The following DEPDC1B variants were observed in gnomAD, a reference collection of about 807,000 sequenced individuals.
The protein encoded by DEPDC1B is DEP domain-containing protein 1B.
Under a neutral mutation model 66.5 loss-of-function variants are expected in DEPDC1B, and 51 were observed. The ratio of observed to expected loss-of-function variants is 0.77; its 90% CI spans 0.61 to 0.97. The LOEUF (loss-of-function observed/expected upper bound fraction) is 0.97, where lower values mean the gene tolerates loss of function less well. Ranked by LOEUF, DEPDC1B falls within the 50% of genes least tolerant of loss-of-function variation. The pLI, the probability that DEPDC1B is intolerant of heterozygous loss-of-function variation, is 0.00. For missense variants in DEPDC1B, 552 were observed against 637.1 expected (o/e 0.87, Z 1.44); for synonymous variants, 226 against 223.6 (o/e 1.01, Z -0.10).
chr5:60,687,962 T>C (rs1299861074), intron 1 of DEPDC1B: 1 of 154,632 alleles, frequency 6.5e-6, no homozygotes, highest in Admixed American at 6.5e-5. Flanking sequence ...AATGGATTTT[T>C]ACATAAACAA....
At chr5:60,640,414 T>G (rs1306538142) in intron 6 of DEPDC1B, among the ~76,000 whole-genome samples, 1 of 152,182 alleles carries the variant, frequency 6.6e-6, no homozygotes, top group Non-Finnish European at 1.5e-5. Context: ...AAAAAATCAG[T>G]GCATGGTGAG....
rs1752259032 is a variant in DEPDC1B, at chr5:60,603,978, T to A, written c.1066-411A>T. On this transcript the variant is annotated intron_variant, in intron 8 of 10. Transcript: ENST00000265036. ...TTAGTCAATTATTATTTATCCTAATTTCATTATTGATTTGTTTTAAACCGC... is the reference window on the plus strand; with the variant it reads ...TTAGTCAATTATTATTTATCCTAATATCATTATTGATTTGTTTTAAACCGC... Among the ~76,000 whole-genome samples the A allele has an allele frequency of 2.6e-5, 4 of 151,718 alleles. No homozygotes were observed. The South Asian group carries it at 8.3e-4, about 31-fold the overall frequency.
intron 2 of DEPDC1B, among the ~76,000 whole-genome samples, chr5:60,656,546 CTG>C (rs1430296981): frequency 6.6e-6 from 1 of 152,122 alleles, no homozygotes; most frequent in African/African-American, 2.4e-5. Flanking sequence ...TGTTTTCATA[CTG>C]CTATAAAAAC....
intron 2 of DEPDC1B, among the ~76,000 whole-genome samples, chr5:60,667,869 T>G (rs1753903350): frequency 1.1e-5 from 1 of 94,370 alleles, no homozygotes; most frequent in South Asian, 3.3e-4. Flanking sequence ...ATGTAAAAAA[T>G]GGATATTTTA....
chr5:60,628,525 T>C (rs1003057773), intron 7 of DEPDC1B: 12 of 152,126 alleles, frequency 7.9e-5, no homozygotes, highest in African/African-American at 2.9e-4. Flanking sequence ...TCATTTTCAC[T>C]AAGAACAGGT....
chr5:60,670,097 A>G (rs1195465755), intron 2 of DEPDC1B, among the ~76,000 whole-genome samples: 1 of 152,220 alleles, frequency 6.6e-6, no homozygotes, highest in Non-Finnish European at 1.5e-5. Flanking sequence ...AGATATAAAT[A>G]TAACAGGCAG....
chr5:60,623,790 T>C (rs1420890612), intron 7 of DEPDC1B, among the ~76,000 whole-genome samples: 3 of 152,216 alleles, frequency 2.0e-5, no homozygotes, highest in South Asian at 2.1e-4. Context: ...TTTGGTGTTA[T>C]TGGAAACAGA....
chr5:60,689,714 T>G (rs926176727), intron 1 of DEPDC1B, among the ~76,000 whole-genome samples: 1 of 152,026 alleles, frequency 6.6e-6, no homozygotes, highest in Non-Finnish European at 1.5e-5. Context: ...CTTTTAGGGA[T>G]TCACCATGTA....
intron 7 of DEPDC1B, among the ~76,000 whole-genome samples, chr5:60,621,422 T>C (rs1032504097): frequency 5.3e-5 from 8 of 152,120 alleles, no homozygotes; most frequent in Admixed American, 1.3e-4. Flanking sequence ...GAAACCATTA[T>C]TCTCAGCAAA....
At chr5:60,624,275 A>G (rs1292276104) in intron 7 of DEPDC1B, among the ~76,000 whole-genome samples, 1 of 152,112 alleles carries the variant, frequency 6.6e-6, no homozygotes, top group Non-Finnish European at 1.5e-5. Context: ...CCTTCATCCT[A>G]TCGATATGAT....
chr5:60,639,041 G>A, intron 6 of DEPDC1B, 151 bp from the exon 7 acceptor site: 1 of 741,808 alleles, frequency 1.3e-6, no homozygotes, highest in Non-Finnish European at 2.1e-6. Flanking sequence ...TAATTAAATA[G>A]GCATTCTACA....
In DEPDC1B at chr5:60,639,248, A is replaced by G. The variant is rs187168566; in HGVS notation, c.758-358T>C. Among the ~76,000 whole-genome samples the G allele has an allele frequency of 1.3e-3, 191 of 152,318 alleles. 1 individual carries two copies. The highest frequency in any genetic ancestry group is 0.01 in the Middle Eastern group (3 of 294). ...ACAATAATTTTCTTTGAAATACTCA[A>G]CATTATCCTAGTCTTAATAAAGTTG... On this transcript the variant is annotated intron_variant, in intron 6 of 10. Transcript: ENST00000265036.
Position 60,650,703 on chromosome 5 carries a change from T to TTATC in DEPDC1B, c.315-3174_315-3171dup, listed in dbSNP as rs550908551. 5.4e-4 allele frequency among the ~76,000 whole-genome samples: 83 copies of TTATC among 152,304 alleles called. 2 individuals carry two copies. In the South Asian group the frequency reaches 0.017, roughly 31 times the overall value. On this transcript the variant is annotated intron_variant, in intron 2 of 10. Coordinates refer to ENST00000265036, the MANE Select transcript of DEPDC1B (RefSeq NM_018369.3). ...CAATAAATAGTACTGAGCCAACTGGTTATCCATTTGGGAAAAATGAAATTG... is the reference window on the plus strand; with the variant it reads ...CAATAAATAGTACTGAGCCAACTGGTTATCTATCCATTTGGGAAAAATGAAATTG...
chr5:60,638,631 C>CT (rs1485152350), intron 7 of DEPDC1B, 119 bp downstream of exon 7: 12 of 1,028,908 alleles, frequency 1.2e-5, no homozygotes, highest in African/African-American at 1.6e-5. Flanking sequence ...GCCAAATACT[C>CT]TATCAGTTTT....
At chr5:60,636,559 C>A (rs1231438504) in intron 7 of DEPDC1B, among the ~76,000 whole-genome samples, 2 of 152,154 alleles carry the variant, frequency 1.3e-5, no homozygotes, top group African/African-American at 4.8e-5. Context: ...GATGGGTCAG[C>A]CCCACTGGGA....
chr5:60,633,341 T>C (rs1318321606), intron 7 of DEPDC1B, among the ~76,000 whole-genome samples: 1 of 152,190 alleles, frequency 6.6e-6, no homozygotes, highest in African/African-American at 2.4e-5. Flanking sequence ...GGTGACTTCC[T>C]CTGGCCAAGG....
chr5:60,690,084 A>AT (rs1754507861), intron 1 of DEPDC1B, among the ~76,000 whole-genome samples: 2 of 152,194 alleles, frequency 1.3e-5, no homozygotes, highest in South Asian at 4.1e-4. Context: ...TACAAGTTAA[A>AT]TTTTATTTAA....
chr5:60,601,933 A>G (rs918645403), intron 9 of DEPDC1B, among the ~76,000 whole-genome samples: 1 of 152,222 alleles, frequency 6.6e-6, no homozygotes, highest in Admixed American at 6.5e-5. Flanking sequence ...ATGTTGGGAC[A>G]GATGTTGAAG....
intron 2 of DEPDC1B, among the ~76,000 whole-genome samples, chr5:60,665,197 A>G (rs897777778): frequency 7.9e-5 from 12 of 152,186 alleles, no homozygotes; most frequent in Non-Finnish European, 1.8e-4. Flanking sequence ...TAGCCACCGA[A>G]GAAGAAAAAA....
Sources: gnomAD v4.1 joint callset for allele counts (sites outside exome capture counted in the v4.1 genomes callset) on GRCh38, gnomAD v4.1.1 for gene constraint, MANE v1.5 for transcripts, NCBI Gene and HGNC (gene_info 2026-07-23, HGNC 2026-07-21) for gene names.